PRKCB: variants seen among roughly 807,000 people sequenced by gnomAD.
PRKCB encodes the protein protein kinase C beta type.
In PRKCB, 13 loss-of-function variants were observed where a neutral mutation model predicts 81.5. The ratio of observed to expected loss-of-function variants is 0.16; its 90% confidence interval spans 0.10 to 0.25. The LOEUF (loss-of-function observed/expected upper bound fraction) is 0.25, where lower values mean the gene tolerates loss of function less well. Ranked by LOEUF, PRKCB falls within the 10% of genes least tolerant of loss-of-function variation. The pLI is 1.00. For synonymous variants in PRKCB, 335 were observed against 321.4 expected (o/e 1.04, Z -0.45); for missense variants, 509 against 875.7 (o/e 0.58, Z 5.29).
chr16:23,967,761 T>C (rs1481896003), intron 2 of PRKCB, among the ~76,000 whole-genome samples: 1 of 152,152 alleles, frequency 6.6e-6, no homozygotes, highest in Non-Finnish European at 1.5e-5. Flanking sequence ...CAAGAGATTC[T>C]CCTGCCTCAG....
chr16:24,036,816 T>C (rs1051370896), intron 5 of PRKCB, among the ~76,000 whole-genome samples: 3 of 152,152 alleles, frequency 2.0e-5, no homozygotes, highest in Non-Finnish European at 4.4e-5. Flanking sequence ...TGATTGAGGT[T>C]CCCGATGCTG....
chr16:23,975,468 C>T (rs1180550805), intron 2 of PRKCB, among the ~76,000 whole-genome samples: 1 of 152,032 alleles, frequency 6.6e-6, no homozygotes, highest in Non-Finnish European at 1.5e-5. Flanking sequence ...GGTGGATGTG[C>T]CTATCCTAAA....
chr16:24,144,187 A>G (rs1966953861), intron 9 of PRKCB, among the ~76,000 whole-genome samples: 1 of 152,134 alleles, frequency 6.6e-6, no homozygotes, highest in Non-Finnish European at 1.5e-5. Flanking sequence ...GAGAGAAAAA[A>G]AAGAAAAGAG....
intron 8 of PRKCB, among the ~76,000 whole-genome samples, chr16:24,116,860 A>AT (rs935722721): frequency 3.3e-5 from 5 of 152,154 alleles, no homozygotes; most frequent in African/African-American, 1.2e-4. Flanking sequence ...TTGCAAAATG[A>AT]TTTTTTTCTG....
chr16:24,037,903 A>G (rs1048031436), intron 5 of PRKCB, among the ~76,000 whole-genome samples: 1 of 152,022 alleles, frequency 6.6e-6, no homozygotes, highest in East Asian at 1.9e-4. Flanking sequence ...GAAAAAAACA[A>G]TAGGCCAGGC....
chr16:23,941,833 G>A (rs572775956), intron 2 of PRKCB, among the ~76,000 whole-genome samples: 1 of 152,202 alleles, frequency 6.6e-6, no homozygotes, highest in African/African-American at 2.4e-5. Context: ...TTAAAGTTAA[G>A]AATAAATGAA....
intron 2 of PRKCB, among the ~76,000 whole-genome samples, chr16:23,850,319 G>A (rs758648586): frequency 1.3e-5 from 2 of 151,910 alleles, no homozygotes; most frequent in Non-Finnish European, 2.9e-5. Flanking sequence ...GATTTCAGTT[G>A]CTTTAAATAT....
intron 8 of PRKCB, among the ~76,000 whole-genome samples, chr16:24,114,653 G>A (rs1032177420): frequency 6.6e-6 from 1 of 152,110 alleles, no homozygotes; most frequent in Non-Finnish European, 1.5e-5. Context: ...TACATTATAT[G>A]TGCATTGAGT....
At chr16:23,894,818 A>G (rs1232073788) in intron 2 of PRKCB, among the ~76,000 whole-genome samples, 4 of 152,150 alleles carry the variant, frequency 2.6e-5, no homozygotes, top group Non-Finnish European at 5.9e-5. Flanking sequence ...TATTTCTATT[A>G]CATTTAGGAC....
chr16:24,029,452 C>T (rs1965523558), intron 3 of PRKCB, among the ~76,000 whole-genome samples: 2 of 152,178 alleles, frequency 1.3e-5, no homozygotes, highest in Non-Finnish European at 2.9e-5. Flanking sequence ...AAGAAGGTGC[C>T]TTGCTTTCCC....
chr16:23,898,743 C>T (rs1963420183), intron 2 of PRKCB, among the ~76,000 whole-genome samples: 1 of 152,050 alleles, frequency 6.6e-6, no homozygotes, highest in Admixed American at 6.6e-5. Context: ...GGTAAAAATA[C>T]ATAACAAAAT....
intron 2 of PRKCB, among the ~76,000 whole-genome samples, chr16:23,968,027 T>C (rs532914927): frequency 1.6e-4 from 25 of 152,300 alleles, no homozygotes; most frequent in Admixed American, 5.9e-4. Context: ...TGCTCTCTGG[T>C]TTTCCCCAAG....
chr16:23,902,737 CCTTCCTTCCTTCCTTCCTTCCTTCCTT>C (rs1567307906), intron 2 of PRKCB, among the ~76,000 whole-genome samples: 7 of 19,150 alleles, frequency 3.7e-4, no homozygotes, highest in African/African-American at 1.2e-3. Context: ...TTCCTCCCTT[CCTTCCTTCCTTCCTTCCTTCCTTCCTT>C]CCTTCCTTCC....
intron 9 of PRKCB, among the ~76,000 whole-genome samples, chr16:24,154,437 C>T (rs1490723362): frequency 6.6e-6 from 1 of 152,190 alleles, no homozygotes; most frequent in Non-Finnish European, 1.5e-5. Context: ...GAGCTATGAT[C>T]ATGTTACTAC....
chr16:23,992,027 A>T (rs779156832), intron 3 of PRKCB, among the ~76,000 whole-genome samples: 3 of 152,210 alleles, frequency 2.0e-5, no homozygotes, highest in Non-Finnish European at 4.4e-5. Context: ...CATAAATGAG[A>T]TAGTGCCCCT....
intron 5 of PRKCB, among the ~76,000 whole-genome samples, chr16:24,062,533 G>A (rs182882916): frequency 1.6e-4 from 25 of 152,208 alleles, no homozygotes; most frequent in Non-Finnish European, 3.2e-4. Context: ...GTATAAAGGG[G>A]GGTTTGTAGG....
chr16:24,209,303 T>C (rs198178), intron 16 of PRKCB, among the ~76,000 whole-genome samples: 79,212 of 151,604 alleles, frequency 0.52, 21,452 homozygotes, highest in African/African-American at 0.67. Flanking sequence ...TTGTCTGCTC[T>C]GCCTCCCCTT....
chr16:23,968,696 A>T (rs756843549), intron 2 of PRKCB, among the ~76,000 whole-genome samples: 11 of 152,080 alleles, frequency 7.2e-5, no homozygotes, highest in South Asian at 2.1e-4. Flanking sequence ...AAAAAAATGG[A>T]TCTGAGAGGT....
intron 2 of PRKCB, among the ~76,000 whole-genome samples, chr16:23,988,074 C>A (rs890425842): frequency 1.3e-5 from 2 of 152,198 alleles, no homozygotes; most frequent in African/African-American, 4.8e-5. Flanking sequence ...ACATGACCCT[C>A]ATCGTATGAA....
Sources: allele counts gnomAD v4.1 joint callset (sites outside exome capture counted in the v4.1 genomes callset), GRCh38; gene constraint gnomAD v4.1.1; transcripts MANE v1.5; gene names NCBI Gene and HGNC (gene_info 2026-07-23, HGNC 2026-07-21).